Variants in VPS8 observed in about 807,000 individuals in gnomAD.
VPS8 encodes the protein VPS8 subunit of CORVET complex.
A neutral mutation model predicts 216.4 loss-of-function variants in VPS8; 129 were observed. The ratio of observed to expected loss-of-function variants is 0.60; its 90% CI spans 0.52 to 0.69. The LOEUF (loss-of-function observed/expected upper bound fraction) is 0.69. VPS8 is among the 30% of genes least tolerant of loss of function. VPS8 has a pLI of 0.00. For synonymous variants in VPS8, 571 were observed against 565.4 expected (o/e 1.01, Z -0.14); for missense variants, 1,531 against 1,683.5 (o/e 0.91, Z 1.59).
intron 35 of VPS8, among the ~76,000 whole-genome samples, chr3:184,937,722 G>T (rs1371312344): frequency 1.3e-5 from 2 of 152,136 alleles, no homozygotes; most frequent in Non-Finnish European, 2.9e-5. Context: ...AAAAGGTTCT[G>T]GGTATAAAAG....
intron 45 of VPS8, among the ~76,000 whole-genome samples, chr3:185,005,791 C>T (rs1218537676): frequency 2.0e-5 from 3 of 151,944 alleles, no homozygotes. Context: ...GATCTAGGAG[C>T]TTATTGGATG....
chr3:184,989,916 C>CA (rs1223771962), intron 42 of VPS8, among the ~76,000 whole-genome samples: 1 of 151,658 alleles, frequency 6.6e-6, no homozygotes, highest in Admixed American at 6.6e-5. Context: ...ACTAAAAATA[C>CA]AAAAAAATTA....
chr3:185,013,995 C>T (rs1489202606), intron 45 of VPS8, among the ~76,000 whole-genome samples: 1 of 152,184 alleles, frequency 6.6e-6, no homozygotes, highest in African/African-American at 2.4e-5. Flanking sequence ...TTTTTGAGGG[C>T]AGTATCTCTC....
Position 184,929,599 on chromosome 3 carries a change from A to G in VPS8, c.2734A>G (p.Met912Val). 1 of 1,530,064 alleles carries G rather than the reference A, an allele frequency of 6.5e-7. No homozygotes were observed. The highest frequency in any genetic ancestry group is 8.8e-7 in the Non-Finnish European group (1 of 1,132,724). The allele number at this position is 1,530,064 out of a possible 1,614,324, so 94.8% of individuals were successfully genotyped here. ...TTCTAGCTATCAAATTTGTGAATTT[A>G]TGTATGAAAGAGAACACCAATATGA... ...KAEFYQICEF[M>V]YEREHQYDKI... is the part of the protein sequence containing the mutation. Residue 912 changes from methionine (M) to valine (V), a missense_variant, in exon 33 of 48, where the codon ATG (methionine) becomes GTG (valine). By Grantham distance (21) the Met-to-Val change is conservative. Coordinates refer to ENST00000625842, the MANE Select transcript of VPS8 (RefSeq NM_001009921.3).
intron 40 of VPS8, among the ~76,000 whole-genome samples, chr3:184,981,961 G>GT (rs11288170): frequency 3.3e-5 from 5 of 151,434 alleles, no homozygotes; most frequent in African/African-American, 1.2e-4. Context: ...ATAAATGATA[G>GT]TTTTTTTTTT....
At chr3:184,891,122 TA>T (rs199645996) in intron 22 of VPS8, among the ~76,000 whole-genome samples, 20 of 152,016 alleles carry the variant, frequency 1.3e-4, no homozygotes, top group African/African-American at 4.8e-4. Context: ...GCAGTTATTT[TA>T]AAAAAAAGCA....
chr3:184,967,818 C>T (rs1318256788), intron 39 of VPS8, among the ~76,000 whole-genome samples: 3 of 143,966 alleles, frequency 2.1e-5, no homozygotes, highest in African/African-American at 7.8e-5. Context: ...GCCTGGGTGT[C>T]GCAACAGAGC....
intron 46 of VPS8, among the ~76,000 whole-genome samples, chr3:185,025,063 A>C (rs1422059003): frequency 6.6e-6 from 1 of 152,174 alleles, no homozygotes; most frequent in Non-Finnish European, 1.5e-5. Flanking sequence ...GCCTAAAAAA[A>C]CTGGCCTGAG....
chr3:185,004,340 C>T (rs1363682558), intron 45 of VPS8, among the ~76,000 whole-genome samples: 7 of 152,014 alleles, frequency 4.6e-5, no homozygotes, highest in Admixed American at 3.9e-4. Context: ...ACCAGTCAGG[C>T]GTGGCGGCGC....
At chr3:185,037,558 A>G (rs527352494) in intron 46 of VPS8, among the ~76,000 whole-genome samples, 1 of 151,510 alleles carries the variant, frequency 6.6e-6, no homozygotes, top group African/African-American at 2.4e-5. Context: ...AAATATTTTC[A>G]CTCTCCTTTC....
At chr3:185,008,639 G>A (rs965149314) in intron 45 of VPS8, among the ~76,000 whole-genome samples, 1 of 152,162 alleles carries the variant, frequency 6.6e-6, no homozygotes, top group African/African-American at 2.4e-5. Flanking sequence ...GGCTAAGGCG[G>A]TACCAGCCAT....
At chr3:184,916,693 T>C (rs970985507) in intron 28 of VPS8, among the ~76,000 whole-genome samples, 2 of 151,978 alleles carry the variant, frequency 1.3e-5, no homozygotes, top group African/African-American at 2.4e-5. Flanking sequence ...AAATTTTAAA[T>C]GTCCAGAGGG....
At chr3:185,012,158 A>G (rs898663506) in intron 45 of VPS8, among the ~76,000 whole-genome samples, 22 of 150,996 alleles carry the variant, frequency 1.5e-4, no homozygotes, top group Admixed American at 4.0e-4. Context: ...ACTCTTGGTG[A>G]CCTGTGAAAC....
intron 21 of VPS8, among the ~76,000 whole-genome samples, chr3:184,876,184 A>G (rs1322727098): frequency 2.0e-5 from 3 of 151,368 alleles, no homozygotes; most frequent in East Asian, 3.9e-4. Flanking sequence ...TTTTTTCCCT[A>G]CCTCTCTGAC....
intron 36 of VPS8, among the ~76,000 whole-genome samples, chr3:184,950,066 C>T (rs534283314): frequency 4.0e-5 from 6 of 151,700 alleles, no homozygotes; most frequent in South Asian, 2.1e-4. Context: ...CGCACCACCA[C>T]GCCCTAATTT....
chr3:184,938,513 C>G (rs1311445628), intron 35 of VPS8, among the ~76,000 whole-genome samples: 2 of 152,166 alleles, frequency 1.3e-5, no homozygotes, highest in Non-Finnish European at 2.9e-5. Context: ...CAAAACTACT[C>G]TCAACCTCCA....
intron 46 of VPS8, among the ~76,000 whole-genome samples, chr3:185,042,113 C>T (rs755650339): frequency 2.8e-4 from 42 of 152,168 alleles, no homozygotes; most frequent in Middle Eastern, 3.2e-3. Flanking sequence ...TGAAATTTTG[C>T]TCCCCGGTTT....
chr3:185,007,853 C>G (rs1048260254), intron 45 of VPS8, among the ~76,000 whole-genome samples: 4 of 152,142 alleles, frequency 2.6e-5, no homozygotes, highest in Non-Finnish European at 5.9e-5. Context: ...TTTATGTTCA[C>G]TAGCCATAAT....
chr3:185,011,760 C>G (rs1755045751), intron 45 of VPS8, among the ~76,000 whole-genome samples: 1 of 152,126 alleles, frequency 6.6e-6, no homozygotes, highest in South Asian at 2.1e-4. Flanking sequence ...AGAGCCCAAA[C>G]TATCATAGGA....
Sources: allele counts gnomAD v4.1 joint callset (sites outside exome capture counted in the v4.1 genomes callset), GRCh38; gene constraint gnomAD v4.1.1; transcripts MANE v1.5; gene names NCBI Gene and HGNC (gene_info 2026-07-23, HGNC 2026-07-21).